ADGB: variants seen among roughly 807,000 people sequenced by gnomAD.
ADGB encodes the protein androglobin.
In ADGB, 172 loss-of-function variants were observed where a neutral mutation model predicts 210.5. The ratio of observed to expected loss-of-function variants is 0.82; its 90% CI spans 0.72 to 0.93. The LOEUF (loss-of-function observed/expected upper bound fraction) is 0.93. Ranked by LOEUF, ADGB falls within the 40% of genes least tolerant of loss-of-function variation. The pLI is 0.00. For synonymous variants in ADGB, 658 were observed against 662.7 expected, an observed-to-expected ratio of 0.99 and a Z score of 0.11; for missense variants, 2,025 against 1,964.8, an observed-to-expected ratio of 1.03 and a Z score of -0.58.
intron 14 of ADGB, 112 bp from the exon 15 acceptor site, chr6:146,716,767 CATAA>C: frequency 1.1e-6 from 1 of 945,592 alleles, no homozygotes; most frequent in African/African-American, 1.7e-5. Context: ...TGGATTATCT[CATAA>C]ATATTTTCCC....
At chr6:146,776,854 A>G (rs955594023) in intron 29 of ADGB, among the ~76,000 whole-genome samples, 1 of 152,106 alleles carries the variant, frequency 6.6e-6, no homozygotes, top group African/African-American at 2.4e-5. Flanking sequence ...TATCTCCATT[A>G]CACAGAGAAG....
intron 23 of ADGB, 133 bp from the exon 24 acceptor site, chr6:146,740,326 T>A (rs1240602174): frequency 7.5e-6 from 6 of 798,044 alleles, no homozygotes; most frequent in Middle Eastern, 3.8e-4. Flanking sequence ...AGACCCCCTT[T>A]GATCAAGATC....
intron 7 of ADGB, among the ~76,000 whole-genome samples, chr6:146,667,326 G>A (rs1775949903): frequency 6.6e-6 from 1 of 152,008 alleles, no homozygotes; most frequent in Non-Finnish European, 1.5e-5. Flanking sequence ...GTTATGAAAG[G>A]CTGTTCATGT....
intron 20 of ADGB, among the ~76,000 whole-genome samples, chr6:146,731,080 C>T (rs1018191639): frequency 1.3e-5 from 2 of 152,112 alleles, no homozygotes; most frequent in African/African-American, 2.4e-5. Flanking sequence ...CCTTATTTTT[C>T]GTAGGGAGTG....
At chr6:146,683,196 A>AC (rs1776180673) in intron 9 of ADGB, among the ~76,000 whole-genome samples, 1 of 152,056 alleles carries the variant, frequency 6.6e-6, no homozygotes, top group Admixed American at 6.6e-5. Context: ...GGGGAAATAA[A>AC]CTTCTGTTCT....
At chr6:146,599,347 T>C (rs377673273) in intron 1 of ADGB, among the ~76,000 whole-genome samples, 1 of 152,190 alleles carries the variant, frequency 6.6e-6, no homozygotes, top group South Asian at 2.1e-4. Context: ...CTTTGGGTGT[T>C]CAGCTCCCAT....
At chr6:146,644,085 A>G (rs1327076487) in intron 2 of ADGB, among the ~76,000 whole-genome samples, 2 of 151,780 alleles carry the variant, frequency 1.3e-5, no homozygotes, top group African/African-American at 4.8e-5. Flanking sequence ...ATGGCTATGA[A>G]AAAGCATAGG....
chr6:146,692,640 C>T (rs9377020), intron 11 of ADGB, among the ~76,000 whole-genome samples, 185 bp from the exon 12 acceptor site: 40,577 of 151,982 alleles, frequency 0.27, 5,789 homozygotes, highest in African/African-American at 0.37. Context: ...AATTGAATAC[C>T]GTAAAGATCT....
intron 27 of ADGB, among the ~76,000 whole-genome samples, chr6:146,754,931 T>C (rs1379829857): frequency 6.6e-6 from 1 of 152,136 alleles, no homozygotes; most frequent in Non-Finnish European, 1.5e-5. Context: ...TTGTCATTTA[T>C]ACTTTAACTG....
intron 35 of ADGB, among the ~76,000 whole-genome samples, chr6:146,811,142 C>A (rs1778296855): frequency 6.6e-6 from 1 of 152,040 alleles, no homozygotes; most frequent in African/African-American, 2.4e-5. Context: ...ACCTTATGAC[C>A]CCAGCTCCCA....
chr6:146,644,784 G>T lies in ADGB; in HGVS notation c.249G>T (p.Glu83Asp). The T allele has an allele frequency of 6.9e-7, 1 of 1,450,900 alleles. No homozygotes were observed. The highest frequency in any genetic ancestry group is 1.5e-5 in the South Asian group (1 of 65,168). The allele number at this position is 1,450,900 out of a possible 1,614,324, so 89.9% of individuals were successfully genotyped here. Residue 83 changes from glutamate (E) to aspartate (D), a missense_variant, in exon 3 of 36, where the codon GAG (glutamate) becomes GAT (aspartate). Transcript: ENST00000397944. ...TGKSPVFHFF[E>D]DPEGKIELPP... ...TTATTTTTATATAGCATTTTTTTGA[G>T]GACCCTGAAGGAAAGATTGAGTTAC...
At chr6:146,672,676 G>A (rs1776026416) in intron 8 of ADGB, among the ~76,000 whole-genome samples, 1 of 151,774 alleles carries the variant, frequency 6.6e-6, no homozygotes, top group South Asian at 2.1e-4. Context: ...ACAGAGTAGG[G>A]CATCTTCAGC....
At chr6:146,619,423 G>A (rs1042667783) in intron 1 of ADGB, among the ~76,000 whole-genome samples, 2 of 151,718 alleles carry the variant, frequency 1.3e-5, no homozygotes, top group Non-Finnish European at 2.9e-5. Context: ...TTGTTTTTGG[G>A]ATTTTAAAAT....
intron 3 of ADGB, among the ~76,000 whole-genome samples, chr6:146,649,537 C>T (rs1183166005): frequency 6.6e-6 from 1 of 150,838 alleles, no homozygotes; most frequent in Admixed American, 6.6e-5. Context: ...CTTGCCCAGG[C>T]TGGAGTTCAG....
chr6:146,731,048 G>A (rs1007375363), intron 20 of ADGB, among the ~76,000 whole-genome samples: 2 of 152,146 alleles, frequency 1.3e-5, no homozygotes, highest in African/African-American at 4.8e-5. Flanking sequence ...TAAGGCAAAG[G>A]ATGTGGGGGA....
In ADGB at chr6:146,801,913, C is replaced by T. The variant is rs775573516; in HGVS notation, c.4720C>T (p.Arg1574Ter). The change falls in exon 35 of 36, where the codon CGA becomes TGA. Residue 1574 changes from arginine (R) to a stop codon, truncating the protein, a stop_gained. Transcript: ENST00000397944. LOFTEE classifies it high-confidence loss of function. ...AAAGGCGGAAGAAATTCATCAGTTT[C>T]GACAGCATAGGACCAGAGTCCTTAG... Reference protein sequence around the residue: ...MQKAEEIHQFRQHRTRVLSIR... With the variant: ...MQKAEEIHQF 95 of 1,551,014 alleles carry T rather than the reference C, an allele frequency of 6.1e-5. No homozygotes were observed. Among genetic ancestry groups the T allele is most frequent in the Non-Finnish European group, 7.9e-5 (91 of 1,146,740 alleles).
chr6:146,659,965 T>C (rs1264660069), intron 5 of ADGB, among the ~76,000 whole-genome samples: 1 of 152,186 alleles, frequency 6.6e-6, no homozygotes, highest in Non-Finnish European at 1.5e-5. Context: ...CCAGTTGCCA[T>C]CAATATGTTT....
At chr6:146,643,711 G>T (rs1164763292) in intron 2 of ADGB, among the ~76,000 whole-genome samples, 7 of 151,876 alleles carry the variant, frequency 4.6e-5, no homozygotes, top group Non-Finnish European at 8.8e-5. Flanking sequence ...TTATGCAGAT[G>T]TTCACAGCAG....
chr6:146,780,886 AATAC>A (rs1259437527), intron 29 of ADGB, among the ~76,000 whole-genome samples: 7 of 152,168 alleles, frequency 4.6e-5, no homozygotes, highest in Non-Finnish European at 8.8e-5. Flanking sequence ...ACAACAGCAG[AATAC>A]ACATTCTTCT....
Sources: allele counts gnomAD v4.1 joint callset (sites outside exome capture counted in the v4.1 genomes callset), GRCh38; gene constraint gnomAD v4.1.1; transcripts MANE v1.5; gene names NCBI Gene and HGNC (gene_info 2026-07-23, HGNC 2026-07-21).